Variants in BEST3 observed in about 807,000 individuals in gnomAD.
BEST3 encodes the protein bestrophin 3.
A neutral mutation model predicts 47.1 loss-of-function variants in BEST3; 50 were observed. The ratio of observed to expected loss-of-function variants is 1.06; its 90% CI spans 0.85 to 1.34. The LOEUF (loss-of-function observed/expected upper bound fraction) is 1.34, where lower values mean the gene tolerates loss of function less well. BEST3 is among the 40% of genes most tolerant of loss of function. The probability of loss-of-function intolerance (pLI) is 0.00; values close to 1 mark genes in which losing one functional copy is unlikely to be tolerated. For synonymous variants in BEST3, 282 were observed against 298.8 expected, an observed-to-expected ratio of 0.94 and a Z score of 0.58; for missense variants, 765 against 817.0, an observed-to-expected ratio of 0.94 and a Z score of 0.78.
chr12:69,675,713 T>C (rs1450450961), intron 7 of BEST3, among the ~76,000 whole-genome samples: 1 of 152,228 alleles, frequency 6.6e-6, no homozygotes, highest in Non-Finnish European at 1.5e-5. Flanking sequence ...TAATTAAGAA[T>C]CACAGTAATC....
intron 5 of BEST3, 29 bp downstream of exon 5, chr12:69,678,710 A>T (rs1885067365): frequency 6.2e-7 from 1 of 1,608,340 alleles, no homozygotes; most frequent in Non-Finnish European, 8.5e-7. Context: ...TAATTAGCGT[A>T]TTTTTCTTAT....
intron 9 of BEST3, among the ~76,000 whole-genome samples, chr12:69,644,677 A>T (rs539510133): frequency 6.6e-6 from 1 of 152,264 alleles, no homozygotes; most frequent in East Asian, 1.9e-4. Flanking sequence ...GGACAGTAAG[A>T]TTCTGTAATG....
chr12:69,676,608 T>C (rs1884935903), intron 7 of BEST3, among the ~76,000 whole-genome samples: 1 of 152,184 alleles, frequency 6.6e-6, no homozygotes, highest in Non-Finnish European at 1.5e-5. Context: ...GTATACAATA[T>C]CAATGCAAGT....
intron 9 of BEST3, among the ~76,000 whole-genome samples, chr12:69,656,989 T>A (rs1386839019): frequency 6.6e-6 from 1 of 152,204 alleles, no homozygotes; most frequent in Non-Finnish European, 1.5e-5. Flanking sequence ...TGAACTTGCA[T>A]CGCGATTGGG....
At chr12:69,676,347 G>T (rs983191886) in intron 7 of BEST3, among the ~76,000 whole-genome samples, 1 of 151,748 alleles carries the variant, frequency 6.6e-6, no homozygotes, top group Admixed American at 6.6e-5. Flanking sequence ...GGAGGCGGAG[G>T]TTGCAGTGAG....
chr12:69,662,674 C>A (rs2135934600), intron 9 of BEST3, among the ~76,000 whole-genome samples: 1 of 152,276 alleles, frequency 6.6e-6, no homozygotes, highest in Non-Finnish European at 1.5e-5. Flanking sequence ...CAACCCCTAG[C>A]CAGAAGGAGC....
In BEST3 at chr12:69,671,526, C is replaced by T. The variant is rs1565830364; in HGVS notation, c.1002G>A (p.Lys334=). Residue 334 remains lysine (K), a synonymous_variant, in exon 9 of 10, where the codon AAG becomes AAA. Coordinates refer to ENST00000330891, the MANE Select transcript of BEST3 (RefSeq NM_032735.3). ...CAGCAGAATCGTCCCAGTAAATGTC[C>T]TTCTTCATCTTGGGTAAGCTCATGT... is the stretch of plus-strand genomic sequence containing the variant. ...EMHMSLPKMK[K]DIYWDDSAAR... The T allele has an allele frequency of 6.2e-7, 1 of 1,613,882 alleles. No homozygotes were observed. Among genetic ancestry groups the T allele is most frequent in the Non-Finnish European group, 8.5e-7 (1 of 1,179,786 alleles).
intron 9 of BEST3, chr12:69,661,338 C>CT (rs1883860654): frequency 6.6e-6 from 1 of 152,122 alleles, no homozygotes; most frequent in African/African-American, 2.4e-5. Flanking sequence ...AATAAGAGGC[C>CT]TTTTTAACAG....
downstream of BEST3, among the ~76,000 whole-genome samples, chr12:69,648,777 C>A (rs994768887): frequency 1.3e-5 from 2 of 152,180 alleles, no homozygotes; most frequent in Non-Finnish European, 2.9e-5. Flanking sequence ...GCAGAGGAAT[C>A]CATGAGTTTG....
At position 69,681,365 on chromosome 12, in the gene BEST3, C is replaced by T. The variant is rs373855180; in HGVS notation, c.482-2472G>A. ...GGTGCAGTGGCTCATGCCTATAATCCCAGCACTTTGGGAGGCCCAGGCAGG... is the reference window on the plus strand; with the variant it reads ...GGTGCAGTGGCTCATGCCTATAATCTCAGCACTTTGGGAGGCCCAGGCAGG... On this transcript the variant is annotated intron_variant, in intron 4 of 9. Transcript: ENST00000330891. Among the ~76,000 whole-genome samples the T allele has an allele frequency of 1.2e-4, 18 of 152,126 alleles. No homozygotes were observed. The East Asian group carries it at 2.9e-3, about 25-fold the overall frequency.
intron 9 of BEST3, among the ~76,000 whole-genome samples, chr12:69,646,403 T>A (rs1473510072): frequency 2.0e-5 from 3 of 152,176 alleles, no homozygotes; most frequent in African/African-American, 7.2e-5. Flanking sequence ...TGATTTGGTT[T>A]TATTTATTTA....
chr12:69,653,637 G>A lies in BEST3; in HGVS notation c.*1270C>T. ...TTTTGAGGGTTATTTTATTTCTAAA[G>A]CCATATGTAGTCAAGTGCCATCATA... On this transcript the variant is annotated 3_prime_UTR_variant, in exon 10 of 10. Coordinates refer to ENST00000330891, the MANE Select transcript of BEST3 (RefSeq NM_032735.3). The A allele has an allele frequency of 1.0e-6, 1 of 985,284 alleles. No individual in the cohort carries two copies. Among genetic ancestry groups the A allele is most frequent in the Non-Finnish European group, 1.2e-6 (1 of 829,796 alleles). The allele number at this position is 985,284 out of a possible 1,614,324, so 61.0% of individuals were successfully genotyped here. A position where few individuals can be genotyped will look rare whatever the true frequency, so the allele number is the denominator to read the frequency against.
At chr12:69,656,013 C>T (rs763841102) in intron 9 of BEST3, among the ~76,000 whole-genome samples, 200 bp from the exon 10 acceptor site, 26 of 152,104 alleles carry the variant, frequency 1.7e-4, no homozygotes, top group African/African-American at 5.1e-4. Context: ...AAAATTATTG[C>T]GTATCCCAAA....
chr12:69,686,682 G>A (rs1811692433), intron 4 of BEST3, among the ~76,000 whole-genome samples: 1 of 150,824 alleles, frequency 6.6e-6, no homozygotes, highest in South Asian at 2.1e-4. Context: ...TGAGGCAGAA[G>A]AAGCACTTGA....
chr12:69,684,564 G>A, intron 4 of BEST3: 2 of 680,470 alleles, frequency 2.9e-6, no homozygotes, highest in Non-Finnish European at 5.6e-6. Flanking sequence ...TAAAAGCTCT[G>A]CATCTCAAAA....
At chr12:69,668,773 A>T (rs995650448) in intron 9 of BEST3, among the ~76,000 whole-genome samples, 1 of 152,132 alleles carries the variant, frequency 6.6e-6, no homozygotes, top group Non-Finnish European at 1.5e-5. Flanking sequence ...CTCCCTGTTG[A>T]TAGTAATTAG....
chr12:69,692,862 A>T (rs1258826403), intron 4 of BEST3, among the ~76,000 whole-genome samples: 1 of 152,190 alleles, frequency 6.6e-6, no homozygotes, highest in Admixed American at 6.5e-5. Context: ...TCCCAGGTTC[A>T]AGCGATTCTC....
intron 4 of BEST3, among the ~76,000 whole-genome samples, chr12:69,689,844 C>A (rs1339850367): frequency 6.6e-6 from 1 of 152,218 alleles, no homozygotes; most frequent in Non-Finnish European, 1.5e-5. Flanking sequence ...CTTTGTAATT[C>A]ATGACCCTCA....
intron 4 of BEST3, among the ~76,000 whole-genome samples, chr12:69,693,245 C>CTTTTTTTTTTTTTTTT (rs71094730): frequency 1.2e-4 from 17 of 136,628 alleles, no homozygotes; most frequent in East Asian, 2.2e-4. Flanking sequence ...CTCTCTCTCT[C>CTTTTTTTTTTTTTTTT]TTTTTTTTTT....
Sources: allele counts gnomAD v4.1 joint callset (sites outside exome capture counted in the v4.1 genomes callset), GRCh38; gene constraint gnomAD v4.1.1; transcripts MANE v1.5; gene names NCBI Gene and HGNC (gene_info 2026-07-23, HGNC 2026-07-21).